SPTBN5: variants seen among roughly 807,000 people sequenced by gnomAD.
SPTBN5 encodes spectrin beta chain, non-erythrocytic 5.
A neutral mutation model predicts 477.6 loss-of-function variants in SPTBN5; 513 were observed. The observed-to-expected ratio is 1.07, with a 90% CI of 1.00 to 1.16. The LOEUF (loss-of-function observed/expected upper bound fraction) is 1.16. Among genes scored for constraint, SPTBN5 ranks in the 50% most tolerant of loss-of-function variants. The pLI is 0.00. For synonymous variants in SPTBN5, 2,169 were observed against 2,011.7 expected (o/e 1.08, Z -2.09); for missense variants, 5,062 against 4,731.8 (o/e 1.07, Z -2.05).
Position 41,849,965 on chromosome 15 carries a change from G to C in SPTBN5, c.10922-6C>G, listed in dbSNP as rs370634086. 2.7e-5 allele frequency: 42 copies of C among 1,582,342 alleles called. No homozygotes were observed. In the African/African-American group the frequency reaches 5.5e-4, roughly 21 times the overall value. On this transcript the variant is annotated splice_region_variant and splice_polypyrimidine_tract_variant and intron_variant, in intron 66 of 67. Transcript: ENST00000320955. The stretch of plus-strand genomic sequence containing the variant: ...TTTTGGGCTCAGACTCTGGGCTGCA[G>C]AGCAAGGGAATAACCACTGTTAGCC...
chr15:41,860,448 C>A, intron 47 of SPTBN5, 138 bp downstream of exon 47: 1 of 963,794 alleles, frequency 1.0e-6, no homozygotes, highest in Middle Eastern at 3.7e-4. Flanking sequence ...GGTGGGGACC[C>A]CCGGCATCTG....
Position 41,876,158 on chromosome 15 carries a change from T to C in SPTBN5, c.4078A>G (p.Ser1360Gly). 1 of 1,604,902 alleles carries C rather than the reference T, an allele frequency of 6.2e-7. No individual in the cohort carries two copies. Among genetic ancestry groups the C allele is most frequent in the Non-Finnish European group, 8.5e-7 (1 of 1,179,566 alleles). The change falls in exon 21 of 68, where the codon AGC becomes GGC. Residue 1360 changes from serine (S) to glycine (G), a missense_variant. Ser to Gly is a moderately conservative substitution (Grantham distance 56, BLOSUM62 0). Coordinates refer to ENST00000320955, the MANE Select transcript of SPTBN5 (RefSeq NM_016642.4). The stretch of plus-strand genomic sequence containing the variant: ...TGTCTGCGGGTGGCGAGTAGCTCGC[T>C]CTCAGCTGCTTCGTGCCGCTTGAGT... ...QTLKRHEAAE[S>G]ELLATRRHVE...
chr15:41,875,104 G>A, intron 22 of SPTBN5, 48 bp from the exon 23 acceptor site: 2 of 1,528,058 alleles, frequency 1.3e-6, no homozygotes, highest in South Asian at 1.2e-5. Context: ...GTACAGCACA[G>A]CAAGTGGCCT....
chr15:41,887,375 G>T lies in SPTBN5; in HGVS notation c.726C>A (p.Phe242Leu). 1 of 1,554,008 alleles carries T rather than the reference G, an allele frequency of 6.4e-7. No homozygotes were observed. Among genetic ancestry groups the T allele is most frequent in the South Asian group, 1.2e-5 (1 of 84,144 alleles). The change falls in exon 6 of 68, where the codon TTC becomes TTA. Residue 242 changes from phenylalanine (F) to leucine (L), a missense_variant. Phe to Leu is a conservative substitution (Grantham distance 22). Transcript: ENST00000320955. Reference sequence around the variant, plus strand: ...TGCCCAGCTCCTGCTCAGCCACCAGGAAAGCAAAAGCAAGGTTGTGCAGTG... The same window carrying T: ...TGCCCAGCTCCTGCTCAGCCACCAGTAAAGCAAAAGCAAGGTTGTGCAGTG... ...DRPLHNLAFA[F>L]LVAEQELGIA...
intron 13 of SPTBN5, 97 bp from the exon 14 acceptor site, chr15:41,880,409 C>A (rs1436491981): frequency 1.5e-6 from 2 of 1,328,534 alleles, no homozygotes; most frequent in Admixed American, 5.4e-5. Flanking sequence ...CCCAGCCCAC[C>A]AGCAGAGCCC....
intron 21 of SPTBN5, among the ~76,000 whole-genome samples, 182 bp from the exon 22 acceptor site, chr15:41,875,804 C>T (rs1217632634): frequency 6.6e-6 from 1 of 152,172 alleles, no homozygotes; most frequent in African/African-American, 2.4e-5. Flanking sequence ...TTTCCTCTGA[C>T]CCCTGCAAAT....
chr15:41,862,733 T>C, intron 42 of SPTBN5, 57 bp downstream of exon 42: 1 of 1,543,132 alleles, frequency 6.5e-7, no homozygotes, highest in African/African-American at 1.4e-5. Context: ...TCCCCACTTG[T>C]GCCCAGGGTC....
chr15:41,856,847 C>T lies in SPTBN5; in HGVS notation c.8808+6G>A, dbSNP rs1207302798. On this transcript the variant is annotated splice_donor_region_variant and intron_variant, in intron 52 of 67. Coordinates refer to ENST00000320955, the MANE Select transcript of SPTBN5 (RefSeq NM_016642.4). ...CGAGGCCAGCCCTCCCCGGGTGGGC[C>T]CACACCTGGTGCTGCTCCTGCAGGT... 1.3e-6 allele frequency: 2 copies of T among 1,542,494 alleles called. No homozygotes were observed. Among genetic ancestry groups the T allele is most frequent in the Non-Finnish European group, 1.8e-6 (2 of 1,140,832 alleles).
chr15:41,865,472 A>G (rs1314380033), intron 39 of SPTBN5, among the ~76,000 whole-genome samples: 6 of 152,228 alleles, frequency 3.9e-5, no homozygotes, highest in Non-Finnish European at 8.8e-5. Context: ...TTGGTGTAAT[A>G]CTACCAACTA....
chr15:41,863,075 G>A (rs906060544), intron 41 of SPTBN5, among the ~76,000 whole-genome samples, 172 bp from the exon 42 acceptor site: 43 of 152,226 alleles, frequency 2.8e-4, no homozygotes, highest in African/African-American at 1.0e-3. Context: ...CGATTCTGAG[G>A]AGCAACTCTG....
rs1567179334 is a variant in SPTBN5, at chr15:41,851,305, A to G, written c.10721T>C (p.Leu3574Pro). The change falls in exon 64 of 68, where the codon CTG (leucine) becomes CCG (proline). Residue 3574 changes from leucine (L) to proline (P), a missense_variant. Physicochemically the swap from Leu to Pro is moderately conservative, Grantham distance 98. Coordinates refer to ENST00000320955, the MANE Select transcript of SPTBN5 (RefSeq NM_016642.4). ...NLQGSSLSLF[L>P]DERMAAEKVA... ...TACCTCCGCTGCCATCCTCTCATCC[A>G]GGAACAGGCTCAGAGAGCTGCCCTG... The G allele has an allele frequency of 1.9e-6, 3 of 1,551,152 alleles. No individual in the cohort carries two copies. Among genetic ancestry groups the G allele is most frequent in the African/African-American group, 1.4e-5 (1 of 73,080 alleles).
Position 41,851,044 on chromosome 15 carries a change from T to C in SPTBN5, c.10835+15A>G. On this transcript the variant is annotated intron_variant, in intron 65 of 67. Coordinates refer to ENST00000320955, the MANE Select transcript of SPTBN5 (RefSeq NM_016642.4). Reference sequence around the variant, plus strand: ...CTGCTGGGGGTGATGCCGGAGTCCATGTCTCTCCGCTCACCTTAAGGAGAA... The same window carrying C: ...CTGCTGGGGGTGATGCCGGAGTCCACGTCTCTCCGCTCACCTTAAGGAGAA... 2 of 1,608,764 alleles carry C rather than the reference T, an allele frequency of 1.2e-6. No homozygotes were observed. The highest frequency in any genetic ancestry group is 1.7e-6 in the Non-Finnish European group (2 of 1,177,972).
chr15:41,890,314 C>T (rs1164811470), intron 3 of SPTBN5, 109 bp from the exon 4 acceptor site: 5 of 733,160 alleles, frequency 6.8e-6, no homozygotes, highest in Non-Finnish European at 1.2e-5. Flanking sequence ...TGGAATCTAT[C>T]CTGCCCCAGC....
chr15:41,850,779 T>TA, intron 66 of SPTBN5, 75 bp downstream of exon 66: 1 of 1,328,534 alleles, frequency 7.5e-7, no homozygotes, highest in Admixed American at 2.5e-5. Context: ...CTAGGATGCA[T>TA]AAAACACTAG....
rs2066638366 is a variant in SPTBN5, at chr15:41,874,147, G to A, written c.4690-102C>T. On this transcript the variant is annotated intron_variant, in intron 24 of 67. Coordinates refer to ENST00000320955, the MANE Select transcript of SPTBN5 (RefSeq NM_016642.4). ...GCCCCAATCATGGCAAGACCCCCAG[G>A]GTCAAAATAGCTGGGGCAGAGATTT... is the stretch of plus-strand genomic sequence containing the variant. 4.7e-6 allele frequency: 7 copies of A among 1,500,708 alleles called. No homozygotes were observed. In the East Asian group the frequency reaches 1.6e-4, roughly 35 times the overall value. The allele number at this position is 1,500,708 out of a possible 1,614,324, so 93.0% of individuals were successfully genotyped here.
chr15:41,878,697 C>T (rs1436884362), intron 16 of SPTBN5, 68 bp from the exon 17 acceptor site: 4 of 1,491,032 alleles, frequency 2.7e-6, no homozygotes, highest in Non-Finnish European at 3.6e-6. Flanking sequence ...CACATGTCCT[C>T]TCTCCAAACC....
rs1290991255 is a variant in SPTBN5, at chr15:41,855,391, C to T, written c.9256G>A (p.Ala3086Thr). ...VLAQLQAVRE[A>T]HAELLRRAEA... The stretch of plus-strand genomic sequence containing the variant: ...GCCCTCCGCAGCAGCTCTGCGTGGG[C>T]CTCCCGAACTGCCTGCAGCTGGGCT... The change falls in exon 55 of 68, where the codon GCC becomes ACC. Residue 3086 changes from alanine to threonine, a missense_variant. Transcript: ENST00000320955. The T allele has an allele frequency of 1.2e-6, 2 of 1,604,168 alleles. No individual in the cohort carries two copies. Among genetic ancestry groups the T allele is most frequent in the Admixed American group, 1.7e-5 (1 of 59,954 alleles).
Position 41,864,003 on chromosome 15 carries a change from T to G in SPTBN5, c.6940A>C (p.Ile2314Leu), listed in dbSNP as rs1362563242. 1.2e-6 allele frequency: 2 copies of G among 1,613,538 alleles called. No individual in the cohort carries two copies. Among genetic ancestry groups the G allele is most frequent in the Admixed American group, 1.7e-5 (1 of 60,012 alleles). The change falls in exon 40 of 68, where the codon ATC becomes CTC. Residue 2314 changes from isoleucine to leucine, a missense_variant. Transcript: ENST00000320955. ...SAGDTVGDAC[I>L]RSISDLSLQL... ...AGTGACAAGTCACTGATGCTCCTGA[T>G]GCAGGCATCACCCACTGTGTCCTGC...
chr15:41,856,278 T>G (rs1595447570), intron 53 of SPTBN5, 108 bp downstream of exon 53: 1 of 985,972 alleles, frequency 1.0e-6, no homozygotes, highest in Non-Finnish European at 1.4e-6. Flanking sequence ...GACCACTGAG[T>G]GGAGGAGACG....
Sources: gnomAD v4.1 joint callset for allele counts (sites outside exome capture counted in the v4.1 genomes callset) on GRCh38, gnomAD v4.1.1 for gene constraint, MANE v1.5 for transcripts, NCBI Gene and HGNC (gene_info 2026-07-23, HGNC 2026-07-21) for gene names.